The following EDA variants were observed in gnomAD, a reference collection of about 807,000 sequenced individuals.
EDA encodes the protein ectodysplasin-A.
In EDA, 2 loss-of-function variants were observed where a neutral mutation model predicts 23.6. That is an observed-to-expected ratio of 0.08 (90% CI 0.03 to 0.27). The LOEUF (loss-of-function observed/expected upper bound fraction) is 0.27, where lower values mean the gene tolerates loss of function less well. Among genes scored for constraint, EDA ranks in the 10% least tolerant of loss-of-function variants. EDA has a pLI of 1.00. For synonymous variants in EDA, 131 were observed against 132.0 expected, an observed-to-expected ratio of 0.99 and a Z score of 0.05; for missense variants, 229 against 324.2, an observed-to-expected ratio of 0.71 and a Z score of 2.26.
At chrX:69,754,213 G>A (rs781082376) in intron 1 of EDA, among the ~76,000 whole-genome samples, 16 of 112,003 alleles carry the variant, frequency 1.4e-4, no homozygotes, top group African/African-American at 3.9e-4. Flanking sequence ...GGTACTGGTT[G>A]TTCCTTTCCA....
chrX:69,830,000 A>G (rs2016566603), intron 1 of EDA, among the ~76,000 whole-genome samples: 1 of 111,398 alleles, frequency 9.0e-6, no homozygotes, highest in African/African-American at 3.3e-5. Flanking sequence ...TGTCTAATGT[A>G]TTTTGGGCAG....
chrX:69,723,319 G>A (rs142432475), intron 1 of EDA, among the ~76,000 whole-genome samples: 2 of 111,883 alleles, frequency 1.8e-5, no homozygotes, highest in Non-Finnish European at 3.8e-5. Flanking sequence ...GCTTCTACAT[G>A]CTACAAAAGT....
intron 1 of EDA, among the ~76,000 whole-genome samples, chrX:69,912,948 A>G (rs2018290021): frequency 9.1e-6 from 1 of 109,667 alleles, no homozygotes; most frequent in Non-Finnish European, 1.9e-5. Context: ...TTGTATTTTT[A>G]GTAGGGACAG....
At chrX:70,012,593 T>G (rs767405853) in intron 2 of EDA, among the ~76,000 whole-genome samples, 2 of 113,030 alleles carry the variant, frequency 1.8e-5, no homozygotes, top group South Asian at 7.3e-4. Flanking sequence ...AATGTGATAC[T>G]GTCTAATGAC....
intron 1 of EDA, among the ~76,000 whole-genome samples, chrX:69,692,254 T>C (rs996742467): frequency 4.5e-5 from 5 of 111,508 alleles, no homozygotes; most frequent in Admixed American, 9.5e-5. Context: ...AATAATTGAA[T>C]TGACAAATAG....
chrX:69,902,103 T>C (rs760970589), intron 1 of EDA, among the ~76,000 whole-genome samples: 2 of 112,215 alleles, frequency 1.8e-5, no homozygotes, highest in Non-Finnish European at 3.8e-5. Context: ...TAGCATTTGG[T>C]ACATAGTTCT....
At chrX:69,994,429 A>G in intron 2 of EDA, among the ~76,000 whole-genome samples, 1 of 112,222 alleles carries the variant, frequency 8.9e-6, no homozygotes, top group African/African-American at 3.2e-5. Flanking sequence ...GATGACCCTG[A>G]TGCAGCAACC....
intron 1 of EDA, among the ~76,000 whole-genome samples, chrX:69,771,182 C>T (rs1160147900): frequency 1.8e-5 from 2 of 108,456 alleles, no homozygotes; most frequent in Non-Finnish European, 3.9e-5. Context: ...TCAGCCCCCC[C>T]AAGTCGCTGG....
chrX:69,953,032 A>G (rs1323100084), intron 1 of EDA, among the ~76,000 whole-genome samples: 1 of 111,927 alleles, frequency 8.9e-6, no homozygotes, highest in Non-Finnish European at 1.9e-5. Flanking sequence ...TGGGTGTATG[A>G]TAGATTCACC....
intron 1 of EDA, among the ~76,000 whole-genome samples, chrX:69,751,456 C>A (rs1334789296): frequency 8.9e-6 from 1 of 112,050 alleles, no homozygotes; most frequent in East Asian, 2.7e-4. Context: ...AGTCAGGTAG[C>A]GCGATGCCTC....
chrX:69,874,985 A>G (rs1420868793), intron 1 of EDA, among the ~76,000 whole-genome samples: 1 of 112,291 alleles, frequency 8.9e-6, no homozygotes, highest in Non-Finnish European at 1.9e-5. Context: ...GAAACAATAA[A>G]TGGCACAAAC....
rs761403541 is a variant in EDA, at chrX:69,645,584, T to TTATA, written c.396+28886_396+28889dup. Among the ~76,000 whole-genome samples the TTATA allele has an allele frequency of 3.1e-4, 17 of 54,368 alleles. 4 individuals carry two copies. In the East Asian group the frequency reaches 6.9e-3, roughly 22 times the overall value. 47.2% of individuals were successfully genotyped at this position (54,368 alleles called of 115,157 possible). A position where few individuals can be genotyped will look rare whatever the true frequency, so the allele number is the denominator to read the frequency against. ...GGTTGCTCTTAGTTCTCTAGTTCTT[T>TTATA]TATATATATGTGTGTGTGTATATAT... On this transcript the variant is annotated intron_variant, in intron 1 of 7. Coordinates refer to ENST00000374552, the MANE Select transcript of EDA (RefSeq NM_001399.5).
rs1933516708 is a variant in EDA at position 69,661,760 on chromosome X, T to G, written c.396+45056T>G. ...TTTTGGTTACTGTAGCCTTGTAGTA[T>G]AGTTTGAAGTCAGGTAGTGTGATGC... On this transcript the variant is annotated intron_variant, in intron 1 of 7. Coordinates refer to ENST00000374552, the MANE Select transcript of EDA (RefSeq NM_001399.5). 3.6e-5 allele frequency among the ~76,000 whole-genome samples: 4 copies of G among 111,761 alleles called. No individual in the cohort carries two copies. In the South Asian group the frequency reaches 1.5e-3, roughly 42 times the overall value.
intron 1 of EDA, among the ~76,000 whole-genome samples, chrX:69,855,048 T>C (rs1231238126): frequency 8.9e-6 from 1 of 112,247 alleles, no homozygotes; most frequent in Non-Finnish European, 1.9e-5. Context: ...TTGATTTGCA[T>C]TTCCCTAATG....
At chrX:69,750,902 T>G (rs1270485873) in intron 1 of EDA, among the ~76,000 whole-genome samples, 13 of 111,828 alleles carry the variant, frequency 1.2e-4, no homozygotes, top group Admixed American at 6.6e-4. Flanking sequence ...TTGTTTAAGT[T>G]CTTCATAGAT....
At chrX:69,631,133 C>T in intron 1 of EDA, among the ~76,000 whole-genome samples, 1 of 111,191 alleles carries the variant, frequency 9.0e-6, no homozygotes, top group East Asian at 2.8e-4. Flanking sequence ...GTAATCCCAG[C>T]ATTTTGGAAG....
At chrX:69,645,939 C>T (rs1932918344) in intron 1 of EDA, among the ~76,000 whole-genome samples, 1 of 110,543 alleles carries the variant, frequency 9.0e-6, no homozygotes, top group Non-Finnish European at 1.9e-5. Flanking sequence ...GCCTTAATTT[C>T]ACTATTTACT....
chrX:69,901,209 G>A (rs188786095), intron 1 of EDA, among the ~76,000 whole-genome samples: 8 of 111,574 alleles, frequency 7.2e-5, no homozygotes, highest in African/African-American at 2.3e-4. Flanking sequence ...TTTTTCTATA[G>A]AAATTATGTT....
chrX:69,655,385 T>G (rs1231314332), intron 1 of EDA, among the ~76,000 whole-genome samples: 1 of 110,767 alleles, frequency 9.0e-6, no homozygotes, highest in Middle Eastern at 4.2e-3. Context: ...CGAGGGAAAC[T>G]CCATCTCAAA....
Sources: gnomAD v4.1 joint callset for allele counts (sites outside exome capture counted in the v4.1 genomes callset) on GRCh38, gnomAD v4.1.1 for gene constraint, MANE v1.5 for transcripts, NCBI Gene and HGNC (gene_info 2026-07-23, HGNC 2026-07-21) for gene names.